Variants in IL1RAPL1 observed in about 807,000 individuals in gnomAD.
The protein encoded by IL1RAPL1 is interleukin 1 receptor accessory protein like 1.
A neutral mutation model predicts 48.4 loss-of-function variants in IL1RAPL1; 3 were observed. The ratio of observed to expected loss-of-function variants is 0.06; its 90% CI spans 0.03 to 0.16. The LOEUF (loss-of-function observed/expected upper bound fraction) is 0.16. IL1RAPL1 is among the 10% of genes least tolerant of loss of function. The pLI, the probability that IL1RAPL1 is intolerant of heterozygous loss-of-function variation, is 1.00. For missense variants in IL1RAPL1, 349 were observed against 530.6 expected, an observed-to-expected ratio of 0.66 and a Z score of 3.36; for synonymous variants, 185 against 187.7, an observed-to-expected ratio of 0.99 and a Z score of 0.12.
chrX:29,746,466 C>A (rs1928337361), intron 6 of IL1RAPL1, among the ~76,000 whole-genome samples: 1 of 111,664 alleles, frequency 9.0e-6, no homozygotes, highest in South Asian at 3.7e-4. Flanking sequence ...GTAAAGGAAT[C>A]CAAAACTTGT....
intron 2 of IL1RAPL1, among the ~76,000 whole-genome samples, chrX:28,999,164 A>T (rs931815342): frequency 9.0e-6 from 1 of 110,915 alleles, no homozygotes. Context: ...CTCATGTCCC[A>T]TAGTCTCAAC....
intron 5 of IL1RAPL1, among the ~76,000 whole-genome samples, chrX:29,581,092 A>T (rs1401879457): frequency 8.9e-6 from 1 of 112,476 alleles, no homozygotes; most frequent in Non-Finnish European, 1.9e-5. Flanking sequence ...CATTATGTCA[A>T]GTATTCCTTT....
chrX:29,790,098 A>G (rs1043880997), intron 6 of IL1RAPL1, among the ~76,000 whole-genome samples: 6 of 111,371 alleles, frequency 5.4e-5, no homozygotes, highest in Admixed American at 1.9e-4. Context: ...ATTAGTGTCA[A>G]CGTTTTATCA....
chrX:29,809,441 A>G (rs1177375960), intron 6 of IL1RAPL1, among the ~76,000 whole-genome samples: 3 of 110,733 alleles, frequency 2.7e-5, no homozygotes, highest in Non-Finnish European at 5.7e-5. Context: ...TATTCTTTTC[A>G]TGATCCTGCA....
chrX:28,995,529 A>G (rs1039124466), intron 2 of IL1RAPL1, among the ~76,000 whole-genome samples: 2 of 111,407 alleles, frequency 1.8e-5, no homozygotes, highest in Non-Finnish European at 3.8e-5. Flanking sequence ...AATGATAAAA[A>G]TGTCTTCTTT....
At chrX:29,789,798 T>TTTTTA (rs1491464024) in intron 6 of IL1RAPL1, among the ~76,000 whole-genome samples, 2,250 of 90,318 alleles carry the variant, frequency 0.025, 64 homozygotes, top group African/African-American at 0.09. Context: ...TTTTTTTTTT[T>TTTTTA]ATCTCAAAGT....
chrX:29,096,134 A>G (rs1021063440), intron 2 of IL1RAPL1, among the ~76,000 whole-genome samples: 5 of 111,571 alleles, frequency 4.5e-5, no homozygotes, highest in African/African-American at 1.6e-4. Context: ...ATGTCAGACA[A>G]TGCTTTTTAA....
intron 2 of IL1RAPL1, among the ~76,000 whole-genome samples, chrX:29,019,687 C>T (rs5943472): frequency 0.44 from 48,203 of 110,721 alleles, 7,567 homozygotes; most frequent in Middle Eastern, 0.51. Flanking sequence ...GTTTGGTCTA[C>T]GCCATAGATA....
intron 2 of IL1RAPL1, among the ~76,000 whole-genome samples, chrX:28,827,864 C>T (rs992713773): frequency 9.0e-6 from 1 of 111,666 alleles, no homozygotes; most frequent in African/African-American, 3.2e-5. Flanking sequence ...TGTGAAAATC[C>T]ACTTTTCACC....
At chrX:28,921,744 C>T (rs1202062802) in intron 2 of IL1RAPL1, among the ~76,000 whole-genome samples, 3 of 112,153 alleles carry the variant, frequency 2.7e-5, no homozygotes, top group Admixed American at 9.5e-5. Flanking sequence ...TAATTCTTTC[C>T]GTTTAATACT....
chrX:29,000,585 C>A (rs1275524910), intron 2 of IL1RAPL1, among the ~76,000 whole-genome samples: 1 of 111,669 alleles, frequency 9.0e-6, no homozygotes, highest in African/African-American at 3.2e-5. Flanking sequence ...TGATAATTTC[C>A]TTTTATTCTA....
At chrX:29,932,983 A>C (rs1178913705) in intron 8 of IL1RAPL1, among the ~76,000 whole-genome samples, 2 of 112,318 alleles carry the variant, frequency 1.8e-5, no homozygotes, top group Admixed American at 9.5e-5. Context: ...GATGTGAAGC[A>C]GTACATGATT....
intron 5 of IL1RAPL1, among the ~76,000 whole-genome samples, chrX:29,584,671 A>G (rs1261913331): frequency 9.0e-6 from 1 of 111,602 alleles, no homozygotes; most frequent in Non-Finnish European, 1.9e-5. Flanking sequence ...CTCCCACCTC[A>G]GCCTCATGAA....
intron 2 of IL1RAPL1, among the ~76,000 whole-genome samples, chrX:28,962,536 G>A (rs980015972): frequency 3.6e-5 from 4 of 110,965 alleles, no homozygotes; most frequent in African/African-American, 1.3e-4. Context: ...TATGTCACAT[G>A]CACAGAGAGC....
intron 9 of IL1RAPL1, among the ~76,000 whole-genome samples, chrX:29,952,778 T>A (rs1393949984): frequency 8.9e-6 from 1 of 112,189 alleles, no homozygotes; most frequent in Non-Finnish European, 1.9e-5. Flanking sequence ...TATGACACAT[T>A]TGGTATGATT....
chrX:29,653,706 G>T (rs1397188276), intron 5 of IL1RAPL1, among the ~76,000 whole-genome samples: 2 of 110,414 alleles, frequency 1.8e-5, no homozygotes, highest in African/African-American at 6.6e-5. Context: ...TTAGAGTGTT[G>T]AAGCTACTTG....
At chrX:28,647,311 C>T (rs1934624722) in intron 1 of IL1RAPL1, among the ~76,000 whole-genome samples, 1 of 112,026 alleles carries the variant, frequency 8.9e-6, no homozygotes, top group Non-Finnish European at 1.9e-5. Context: ...AATCACTTGT[C>T]TCCTTTTCTG....
intron 3 of IL1RAPL1, among the ~76,000 whole-genome samples, chrX:29,347,175 G>GT (rs761402884): frequency 9.0e-6 from 1 of 110,837 alleles, no homozygotes; most frequent in Admixed American, 9.6e-5. Flanking sequence ...AATGGAACAT[G>GT]TTTTTTATCA....
At chrX:29,209,773 A>C (rs1246647884) in intron 2 of IL1RAPL1, among the ~76,000 whole-genome samples, 1 of 112,188 alleles carries the variant, frequency 8.9e-6, no homozygotes, top group Non-Finnish European at 1.9e-5. Context: ...TAGAATTGCT[A>C]TGTCAAAGGG....
Sources: allele counts gnomAD v4.1 joint callset (sites outside exome capture counted in the v4.1 genomes callset), GRCh38; gene constraint gnomAD v4.1.1; transcripts MANE v1.5; gene names NCBI Gene and HGNC (gene_info 2026-07-23, HGNC 2026-07-21).